MAPRE1: variants seen among roughly 807,000 people sequenced by gnomAD.
MAPRE1 encodes the protein microtubule-associated protein RP/EB family member 1.
In MAPRE1, 5 loss-of-function variants were observed where a neutral mutation model predicts 32.1. The observed-to-expected ratio is 0.16, with a 90% CI of 0.08 to 0.33. The LOEUF is 0.33. Ranked by LOEUF, MAPRE1 falls within the 10% of genes least tolerant of loss-of-function variation. MAPRE1 has a pLI of 1.00. For synonymous variants in MAPRE1, 122 were observed against 118.9 expected (o/e 1.03, Z -0.17); for missense variants, 209 against 327.2 (o/e 0.64, Z 2.79).
Position 32,833,813 on chromosome 20 carries a change from A to G in MAPRE1, c.218A>G (p.Gln73Arg). ...GCTAAGCTAGAACACGAGTACATCC[A>G]GAACTTCAAAATACTACAAGCAGGT... ...FQAKLEHEYI[Q>R]NFKILQAGFK... is the part of the protein sequence containing the mutation. Residue 73 changes from glutamine to arginine, a missense_variant, in exon 3 of 7, where the codon CAG becomes CGG. Physicochemically the swap from Gln to Arg is conservative, Grantham distance 43. Coordinates refer to ENST00000375571, the MANE Select transcript of MAPRE1 (RefSeq NM_012325.3). 6.2e-7 allele frequency: 1 copy of G among 1,614,124 alleles called. No homozygotes were observed. The highest frequency in any genetic ancestry group is 8.5e-7 in the Non-Finnish European group (1 of 1,179,956).
chr20:32,847,452 C>T (rs1983534942), intron 6 of MAPRE1, among the ~76,000 whole-genome samples: 1 of 152,154 alleles, frequency 6.6e-6, no homozygotes, highest in African/African-American at 2.4e-5. Context: ...AAACTACAAA[C>T]TTCTGGTAGT....
chr20:32,842,779 T>C (rs1190743560), intron 5 of MAPRE1, among the ~76,000 whole-genome samples: 1 of 152,192 alleles, frequency 6.6e-6, no homozygotes, highest in Non-Finnish European at 1.5e-5. Flanking sequence ...GGTGCCTGCC[T>C]GTGTTCAAGT....
At chr20:32,846,441 A>G (rs1481454648) in intron 5 of MAPRE1, among the ~76,000 whole-genome samples, 177 bp from the exon 6 acceptor site, 1 of 152,194 alleles carries the variant, frequency 6.6e-6, no homozygotes, top group Non-Finnish European at 1.5e-5. Flanking sequence ...CAAGGTTGCT[A>G]TAAACAAATC....
intron 5 of MAPRE1, among the ~76,000 whole-genome samples, chr20:32,846,398 G>C (rs530171703): frequency 1.7e-3 from 261 of 152,232 alleles, no homozygotes; most frequent in African/African-American, 6.2e-3. Flanking sequence ...ATGTTTCAAG[G>C]GGTAGTCTGC....
intron 5 of MAPRE1, among the ~76,000 whole-genome samples, chr20:32,844,794 C>G (rs1432617607): frequency 6.6e-6 from 1 of 152,214 alleles, no homozygotes; most frequent in Non-Finnish European, 1.5e-5. Context: ...AAGGCCCCTT[C>G]CCTGCCTTTT....
rs753923516 is a variant in MAPRE1, at chr20:32,839,805, G to T, written c.546G>T (p.Lys182Asn). The change falls in exon 5 of 7, where the codon AAG becomes AAT. Residue 182 changes from lysine (K) to asparagine (N), a missense_variant. Physicochemically the swap from Lys to Asn is moderately conservative, Grantham distance 94 (BLOSUM62 0). Coordinates refer to ENST00000375571, the MANE Select transcript of MAPRE1 (RefSeq NM_012325.3). ...APKAGPGVVR[K>N]NPGVGNGDDE... is the part of the protein sequence containing the mutation. The stretch of plus-strand genomic sequence containing the variant: ...AGGCTGGCCCTGGTGTGGTGCGAAA[G>T]AACCCTGGTGTGGGCAACGGAGACG... The T allele has an allele frequency of 1.9e-6, 3 of 1,614,218 alleles. No homozygotes were observed. In the Admixed American group the frequency reaches 5.0e-5, roughly 27 times the overall value.
intron 6 of MAPRE1, among the ~76,000 whole-genome samples, chr20:32,848,045 ATT>A (rs754492387): frequency 1.3e-4 from 19 of 144,952 alleles, no homozygotes; most frequent in Admixed American, 2.1e-4. Context: ...TTTGAGGGAA[ATT>A]TTTTTTTTTT....
intron 6 of MAPRE1, among the ~76,000 whole-genome samples, chr20:32,848,324 C>A (rs1056745889): frequency 1.3e-5 from 2 of 152,140 alleles, no homozygotes; most frequent in East Asian, 3.9e-4. Context: ...TGAGCCATCA[C>A]ACCTGGCCTT....
At chr20:32,825,445 T>G (rs1601159448) in intron 1 of MAPRE1, among the ~76,000 whole-genome samples, 2 of 152,320 alleles carry the variant, frequency 1.3e-5, no homozygotes, top group South Asian at 4.1e-4. Flanking sequence ...ATTCTGTGGC[T>G]GGAATCTTAG....
chr20:32,844,705 C>A (rs1983457214), intron 5 of MAPRE1, among the ~76,000 whole-genome samples: 1 of 152,154 alleles, frequency 6.6e-6, no homozygotes, highest in Non-Finnish European at 1.5e-5. Context: ...AGCCACTGCG[C>A]CTGGCCAGCA....
At chr20:32,821,867 G>A (rs1982713218) in intron 1 of MAPRE1, among the ~76,000 whole-genome samples, 1 of 152,188 alleles carries the variant, frequency 6.6e-6, no homozygotes, top group South Asian at 2.1e-4. Flanking sequence ...TTTCATGGTG[G>A]TGGTGGAAAC....
chr20:32,830,660 A>G (rs1334855383), intron 2 of MAPRE1, among the ~76,000 whole-genome samples: 1 of 151,726 alleles, frequency 6.6e-6, no homozygotes, highest in Non-Finnish European at 1.5e-5. Context: ...CCCTTTTGTT[A>G]TATTGCATAA....
In MAPRE1 at chr20:32,836,737, A is replaced by G. The variant is rs1348118681; in HGVS notation, c.371A>G (p.Tyr124Cys). ...GATGCAAACTATGATGGAAAAGACT[A>G]TGACCCTGTGGCTGCCAGACAAGGT... ...FFDANYDGKD[Y>C]DPVAARQGQE... is the part of the protein sequence containing the mutation. Residue 124 changes from tyrosine to cysteine, a missense_variant, in exon 4 of 7, where the codon TAT becomes TGT. Transcript: ENST00000375571. 4 of 1,613,802 alleles carry G rather than the reference A, an allele frequency of 2.5e-6. No individual in the cohort carries two copies. The highest frequency in any genetic ancestry group is 1.1e-5 in the South Asian group (1 of 91,074).
intron 4 of MAPRE1, 49 bp from the exon 5 acceptor site, chr20:32,839,686 G>T: frequency 6.2e-7 from 1 of 1,602,224 alleles, no homozygotes; most frequent in Admixed American, 1.7e-5. Flanking sequence ...TTTTTTGTTT[G>T]TTTGGGCTGG....
chr20:32,845,883 G>A (rs964585324), intron 5 of MAPRE1, among the ~76,000 whole-genome samples: 1 of 152,154 alleles, frequency 6.6e-6, no homozygotes, highest in Non-Finnish European at 1.5e-5. Context: ...CTCAGTGGCT[G>A]TACCTTTGAT....
chr20:32,826,521 T>C (rs866713406), intron 2 of MAPRE1, among the ~76,000 whole-genome samples: 3 of 100,046 alleles, frequency 3.0e-5, no homozygotes, highest in Non-Finnish European at 5.8e-5. Flanking sequence ...CGCCCGGCCT[T>C]TTTTTTTTTT....
rs1983576556 is a variant in MAPRE1, at chr20:32,848,880, C to T, written c.*152C>T. The T allele has an allele frequency of 3.6e-6, 2 of 561,880 alleles. No individual in the cohort carries two copies. Among genetic ancestry groups the T allele is most frequent in the South Asian group, 2.6e-5 (1 of 37,862 alleles). The allele number at this position is 561,880 out of a possible 1,614,324, so 34.8% of individuals were successfully genotyped here. A position where few individuals can be genotyped will look rare whatever the true frequency, so the allele number is the denominator to read the frequency against. ...CTTAAAGTGCACTTTGCAGACGTTT[C>T]ACTCCTTTTCCAATAAGTTTGAGTT... On this transcript the variant is annotated 3_prime_UTR_variant, in exon 7 of 7. Transcript: ENST00000375571.
Position 32,839,949 on chromosome 20 carries a change from C to T in MAPRE1, c.597+93C>T, listed in dbSNP as rs1983314924. 3 of 1,531,764 alleles carry T rather than the reference C, an allele frequency of 2.0e-6. No individual in the cohort carries two copies. In the Admixed American group the frequency reaches 5.4e-5, roughly 28 times the overall value. 94.9% of individuals were successfully genotyped at this position (1,531,764 alleles called of 1,614,324 possible). A position where few individuals can be genotyped will look rare whatever the true frequency, so the allele number is the denominator to read the frequency against. ...CTTATCCGTGTTCTTAAATGAACAC[C>T]TGCCTTGTTTGCTTGCCAGAGCATG... On this transcript the variant is annotated intron_variant, in intron 5 of 6. Coordinates refer to ENST00000375571, the MANE Select transcript of MAPRE1 (RefSeq NM_012325.3).
At chr20:32,837,356 C>T (rs976190918) in intron 4 of MAPRE1, among the ~76,000 whole-genome samples, 1 of 152,140 alleles carries the variant, frequency 6.6e-6, no homozygotes, top group African/African-American at 2.4e-5. Context: ...CCCTACCTGC[C>T]CTAGAACTTT....
Sources: allele counts gnomAD v4.1 joint callset (sites outside exome capture counted in the v4.1 genomes callset), GRCh38; gene constraint gnomAD v4.1.1; transcripts MANE v1.5; gene names NCBI Gene and HGNC (gene_info 2026-07-23, HGNC 2026-07-21).